The following ITGAM variants were observed in gnomAD, a reference collection of about 807,000 sequenced individuals.
The protein encoded by ITGAM is integrin subunit alpha M.
In ITGAM, 79 loss-of-function variants were observed where a neutral mutation model predicts 137.5. The ratio of observed to expected loss-of-function variants is 0.57; its 90% CI spans 0.48 to 0.69. ITGAM has a LOEUF of 0.69. Among genes scored for constraint, ITGAM ranks in the 30% least tolerant of loss-of-function variants. The pLI, the probability that ITGAM is intolerant of heterozygous loss-of-function variation, is 0.00. For missense variants in ITGAM, 1,343 were observed against 1,483.5 expected, an observed-to-expected ratio of 0.91 and a Z score of 1.56; for synonymous variants, 583 against 592.3, an observed-to-expected ratio of 0.98 and a Z score of 0.23.
chr16:31,302,470 T>TCTTTCTTTCTTTCTTC (rs2080214710), intron 14 of ITGAM, among the ~76,000 whole-genome samples: 1 of 118,820 alleles, frequency 8.4e-6, no homozygotes, highest in African/African-American at 5.6e-5. Context: ...TTTCTTTCTT[T>TCTTTCTTTCTTTCTTC]CTTTCTTTCT....
chr16:31,330,276 T>C, intron 26 of ITGAM, 32 bp from the exon 27 acceptor site: 1 of 1,596,476 alleles, frequency 6.3e-7, no homozygotes. Flanking sequence ...TTCGGCTTCC[T>C]TACCCGTCCC....
Position 31,297,648 on chromosome 16 carries a change from C to G in ITGAM, c.1491C>G (p.Pro497=). 2 of 1,612,612 alleles carry G rather than the reference C, an allele frequency of 1.2e-6. No individual in the cohort carries two copies. Among genetic ancestry groups the G allele is most frequent in the Non-Finnish European group, 1.7e-6 (2 of 1,179,546 alleles). Reference sequence around the variant, plus strand: ...GCCAGGTGTCCGTGTGCCCCTTGCCCAGGGGGGTGAGTGGCAATGGGACCT... The same window carrying G: ...GCCAGGTGTCCGTGTGCCCCTTGCCGAGGGGGGTGAGTGGCAATGGGACCT... ...RGGQVSVCPL[P]RGRARWQCDA... is the part of the protein sequence containing the mutation. The change falls in exon 13 of 30, where the codon CCC becomes CCG. Residue 497 remains proline (P), a synonymous_variant. Coordinates refer to ENST00000544665, the MANE Select transcript of ITGAM (RefSeq NM_000632.4).
intron 14 of ITGAM, among the ~76,000 whole-genome samples, chr16:31,299,051 T>C (rs9888879): frequency 0.25 from 38,247 of 152,066 alleles, 7,908 homozygotes; most frequent in African/African-American, 0.57. Flanking sequence ...GGGTTTTTGC[T>C]AGCCTTACAT....
rs756781462 is a variant in ITGAM at position 31,324,471 on chromosome 16, A to T, written c.2075A>T (p.Asn692Ile). Residue 692 changes from asparagine to isoleucine, a missense_variant, in exon 17 of 30, where the codon AAT becomes ATT. Coordinates refer to ENST00000544665, the MANE Select transcript of ITGAM (RefSeq NM_000632.4). This position sits in a 1 kb window ranked among gnomAD's most constrained non-coding sequence, Gnocchi z 4.5. Reference sequence around the variant, plus strand: ...CGCCCACATTCCCGCGCCGTCTTCAATGAGACAAAGAACAGCACACGCAGA... The same window carrying T: ...CGCCCACATTCCCGCGCCGTCTTCATTGAGACAAAGAACAGCACACGCAGA... Reference protein sequence around the residue: ...SGRPHSRAVFNETKNSTRRQT... With the variant: ...SGRPHSRAVFIETKNSTRRQT... 6.3e-7 allele frequency: 1 copy of T among 1,580,856 alleles called. No individual in the cohort carries two copies. The highest frequency in any genetic ancestry group is 1.8e-5 in the Admixed American group (1 of 54,432).
At position 31,307,558 on chromosome 16, in the gene ITGAM, G is replaced by A. The variant is rs534561593; in HGVS notation, c.1707+9604G>A. On this transcript the variant is annotated intron_variant, in intron 14 of 29. Transcript: ENST00000544665. ...TAAGGAGATTTTGGGCTGAGACGAT[G>A]GGGTTTTCTAGATATACAGTCATGT... 5.3e-5 allele frequency among the ~76,000 whole-genome samples: 8 copies of A among 152,256 alleles called. No homozygotes were observed. The East Asian group carries it at 1.5e-3, about 29-fold the overall frequency.
intron 12 of ITGAM, among the ~76,000 whole-genome samples, chr16:31,281,596 T>G (rs1017971001): frequency 6.6e-6 from 1 of 152,226 alleles, no homozygotes; most frequent in Non-Finnish European, 1.5e-5. Context: ...TGCGTCTATT[T>G]GATTCTTCTC....
chr16:31,325,275 C>T lies in ITGAM; in HGVS notation c.2376C>T (p.Leu792=), dbSNP rs774784043. 4.3e-6 allele frequency: 7 copies of T among 1,612,234 alleles called. No homozygotes were observed. The highest frequency in any genetic ancestry group is 1.7e-5 in the Admixed American group (1 of 59,906). Residue 792 remains leucine, a synonymous_variant, in exon 20 of 30, where the codon CTC becomes CTT. Transcript: ENST00000544665. ...CTTCTTCCCACAGCCTGGACTGCCT[C>T]GTGGTGGGTGGGCCCCGGGAGTTCA... ...ITFSFMSLDC[L]VVGGPREFNV... is the part of the protein sequence containing the mutation.
chr16:31,275,582 C>G lies in ITGAM; in HGVS notation c.892C>G (p.Gln298Glu). 1 of 1,613,972 alleles carries G rather than the reference C, an allele frequency of 6.2e-7. No homozygotes were observed. Among genetic ancestry groups the G allele is most frequent in the Non-Finnish European group, 8.5e-7 (1 of 1,179,864 alleles). ...TGCCTTCCGCAGTGAGAAATCCCGCCAAGAGCTTAATACCATCGCATCCAA... is the reference window on the plus strand; with the variant it reads ...TGCCTTCCGCAGTGAGAAATCCCGCGAAGAGCTTAATACCATCGCATCCAA... ...GDAFRSEKSR[Q>E]ELNTIASKPP... Residue 298 changes from glutamine to glutamate, a missense_variant, in exon 9 of 30, where the codon CAA becomes GAA. By Grantham distance (29) the Gln-to-Glu change is conservative. Coordinates refer to ENST00000544665, the MANE Select transcript of ITGAM (RefSeq NM_000632.4).
At position 31,321,686 on chromosome 16, in the gene ITGAM, G is replaced by A. The variant is rs929248646; in HGVS notation, c.2002+59G>A. 1.8e-5 allele frequency: 27 copies of A among 1,539,428 alleles called. No homozygotes were observed. The African/African-American group carries it at 3.4e-4, about 19-fold the overall frequency. ...ACGACCGAGGACATGAATGGGTGCT[G>A]CAATCCACTCTGCCCAGCCTTCTGG... On this transcript the variant is annotated intron_variant, in intron 16 of 29. Transcript: ENST00000544665.
Position 31,332,007 on chromosome 16 carries a change from G to A in ITGAM, c.*300G>A. 4.7e-6 allele frequency: 2 copies of A among 426,968 alleles called. No homozygotes were observed. Among genetic ancestry groups the A allele is most frequent in the South Asian group, 6.4e-5 (2 of 31,070 alleles). 26.4% of individuals were successfully genotyped at this position (426,968 alleles called of 1,614,324 possible). ...TCCATGTGTGTGCAAGTGTGTGCAT[G>A]TGTGCGAGTGTGTGCATGTGTGTGC... On this transcript the variant is annotated 3_prime_UTR_variant, in exon 30 of 30. Coordinates refer to ENST00000544665, the MANE Select transcript of ITGAM (RefSeq NM_000632.4).
At chr16:31,276,603 A>T (rs557781623) in intron 9 of ITGAM, 68 bp from the exon 10 acceptor site, 49 of 1,134,694 alleles carry the variant, frequency 4.3e-5, no homozygotes, top group Non-Finnish European at 6.1e-5. Flanking sequence ...AAATGTTGGG[A>T]TTACAGGCGT....
At chr16:31,291,389 T>G (rs2080085401) in intron 12 of ITGAM, among the ~76,000 whole-genome samples, 2 of 152,182 alleles carry the variant, frequency 1.3e-5, no homozygotes, top group Admixed American at 1.3e-4. Flanking sequence ...GTAGTTCCAT[T>G]TTTAGTTTTC....
chr16:31,271,945 G>A lies in ITGAM; in HGVS notation c.657G>A (p.Thr219=), dbSNP rs201811979. ...CAAGATCACTGGTGAAGCCAATAAC[G>A]CAGCTGCTTGGGCGGACACACACGG... The part of the protein sequence containing the change: ...PNPRSLVKPI[T]QLLGRTHTAT... The change falls in exon 7 of 30, where the codon ACG becomes ACA. Residue 219 remains threonine (T), a synonymous_variant. Coordinates refer to ENST00000544665, the MANE Select transcript of ITGAM (RefSeq NM_000632.4). 1.6e-4 allele frequency: 252 copies of A among 1,613,834 alleles called. No homozygotes were observed. Among genetic ancestry groups the A allele is most frequent in the Admixed American group, 8.7e-4 (52 of 59,982 alleles).
In ITGAM at chr16:31,330,618, G is replaced by T. The variant is rs769292005; in HGVS notation, c.3276+13G>T. The T allele has an allele frequency of 8.9e-6, 14 of 1,580,932 alleles. No individual in the cohort carries two copies. The highest frequency in any genetic ancestry group is 1.2e-5 in the Non-Finnish European group (14 of 1,160,500). Reference sequence around the variant, plus strand: ...TGTGAGGTCCCAGGTACCTGTCTTGGGCGCTGAGGAACTATTGGAGGGAGA... The same window carrying T: ...TGTGAGGTCCCAGGTACCTGTCTTGTGCGCTGAGGAACTATTGGAGGGAGA... On this transcript the variant is annotated intron_variant, in intron 28 of 29. Coordinates refer to ENST00000544665, the MANE Select transcript of ITGAM (RefSeq NM_000632.4).
chr16:31,310,690 C>T (rs1485113993), intron 14 of ITGAM, among the ~76,000 whole-genome samples: 1 of 152,218 alleles, frequency 6.6e-6, no homozygotes, highest in Non-Finnish European at 1.5e-5. Context: ...CTTCCTCTCT[C>T]AACTCGTCAA....
intron 14 of ITGAM, among the ~76,000 whole-genome samples, chr16:31,313,395 T>C (rs2080356788): frequency 6.7e-6 from 1 of 150,232 alleles, no homozygotes; most frequent in Non-Finnish European, 1.5e-5. Flanking sequence ...TCCCCACCCC[T>C]CAACAGGCTC....
At chr16:31,281,718 CTTCAG>C (rs1319638711) in intron 12 of ITGAM, among the ~76,000 whole-genome samples, 1 of 152,118 alleles carries the variant, frequency 6.6e-6, no homozygotes, top group Non-Finnish European at 1.5e-5. Flanking sequence ...TCTCTATTTC[CTTCAG>C]TTCTGCTCTG....
chr16:31,320,761 G>A (rs1416677589), intron 14 of ITGAM, among the ~76,000 whole-genome samples: 12 of 152,120 alleles, frequency 7.9e-5, no homozygotes, highest in Admixed American at 7.9e-4. Flanking sequence ...ATGTTTATGT[G>A]ATCATTTTGT....
At position 31,328,177 on chromosome 16, in the gene ITGAM, C is replaced by G. The variant is rs765262897; in HGVS notation, c.2739C>G (p.Thr913=). The change falls in exon 23 of 30, where the codon ACC becomes ACG. Residue 913 remains threonine, a synonymous_variant. Coordinates refer to ENST00000544665, the MANE Select transcript of ITGAM (RefSeq NM_000632.4). ...ACAACATGCCCAGAACCAACAAAAC[C>G]GAATTCCAACTGGAGCTGCCGGTGA... ...SENNMPRTNK[T]EFQLELPVKY... is the part of the protein sequence containing the mutation. The G allele has an allele frequency of 6.2e-7, 1 of 1,613,940 alleles. No homozygotes were observed. Among genetic ancestry groups the G allele is most frequent in the Non-Finnish European group, 8.5e-7 (1 of 1,179,860 alleles).
Sources: gnomAD v4.1 joint callset for allele counts (sites outside exome capture counted in the v4.1 genomes callset) on GRCh38, gnomAD v4.1.1 for gene constraint, Gnocchi (gnomAD v3.1) non-coding constraint, MANE v1.5 for transcripts, NCBI Gene and HGNC (gene_info 2026-07-23, HGNC 2026-07-21) for gene names.